Variants in TWSG1 observed in about 807,000 individuals in gnomAD.
TWSG1 encodes twisted gastrulation BMP signaling modulator 1.
A neutral mutation model predicts 23.0 loss-of-function variants in TWSG1; 15 were observed. That is an observed-to-expected ratio of 0.65 (90% CI 0.44 to 1.00). TWSG1 has a LOEUF of 1.00. Ranked by LOEUF, TWSG1 falls within the 50% of genes least tolerant of loss-of-function variation. The probability of loss-of-function intolerance (pLI) is 0.00; values close to 1 mark genes in which losing one functional copy is unlikely to be tolerated. For missense variants in TWSG1, 242 were observed against 278.7 expected, an observed-to-expected ratio of 0.87 and a Z score of 0.94; for synonymous variants, 86 against 92.8, an observed-to-expected ratio of 0.93 and a Z score of 0.42.
chr18:9,349,782 C>T (rs896464646), intron 2 of TWSG1, among the ~76,000 whole-genome samples: 12 of 152,160 alleles, frequency 7.9e-5, no homozygotes, highest in Admixed American at 6.5e-4. Context: ...TTTCTCTTTT[C>T]TCTCGTGAAC....
At chr18:9,345,782 T>C (rs990845900) in intron 2 of TWSG1, among the ~76,000 whole-genome samples, 3 of 152,206 alleles carry the variant, frequency 2.0e-5, no homozygotes, top group Non-Finnish European at 4.4e-5. Context: ...TCAATTTCTG[T>C]AATAAAGCCA....
intron 2 of TWSG1, among the ~76,000 whole-genome samples, chr18:9,340,250 C>T (rs1455606334): frequency 6.6e-5 from 10 of 151,654 alleles, no homozygotes; most frequent in African/African-American, 2.4e-4. Context: ...CGCCTGTAGT[C>T]CCAGCTACTC....
chr18:9,396,094 A>C (rs1022856920), intron 3 of TWSG1, among the ~76,000 whole-genome samples, 186 bp from the exon 4 acceptor site: 1 of 147,050 alleles, frequency 6.8e-6, no homozygotes. Context: ...CTGAGCGTTC[A>C]GTATGCTTGA....
chr18:9,338,004 A>T (rs1209833280), intron 2 of TWSG1, among the ~76,000 whole-genome samples: 1 of 152,202 alleles, frequency 6.6e-6, no homozygotes, highest in East Asian at 1.9e-4. Flanking sequence ...TGGGGAGAAA[A>T]GTAAGAGGAA....
Position 9,398,582 on chromosome 18 carries a change from C to T in TWSG1, c.491-764C>T, listed in dbSNP as rs540706041. On this transcript the variant is annotated intron_variant, in intron 4 of 4. Coordinates refer to ENST00000262120, the MANE Select transcript of TWSG1 (RefSeq NM_020648.6). ...AAGTGATTCTCCTGCCTCAGCCTCC[C>T]GAGTAGCTGGGGTTACAGGTACCCA... Among the ~76,000 whole-genome samples, 7 of 151,988 alleles carry T rather than the reference C, an allele frequency of 4.6e-5. No homozygotes were observed. The South Asian group carries it at 1.0e-3, about 23-fold the overall frequency.
At chr18:9,349,086 T>A (rs12604438) in intron 2 of TWSG1, among the ~76,000 whole-genome samples, 1 of 151,920 alleles carries the variant, frequency 6.6e-6, no homozygotes, top group Non-Finnish European at 1.5e-5. Context: ...GAAAGTAAAA[T>A]TCATCTTGGG....
At chr18:9,339,985 G>A (rs910233809) in intron 2 of TWSG1, among the ~76,000 whole-genome samples, 2 of 152,308 alleles carry the variant, frequency 1.3e-5, no homozygotes, top group South Asian at 4.1e-4. Context: ...ATATTCCGTT[G>A]TAGCTTCAGA....
intron 3 of TWSG1, among the ~76,000 whole-genome samples, chr18:9,374,214 G>A (rs2040618685): frequency 6.6e-6 from 1 of 151,866 alleles, no homozygotes. Context: ...CAATGAAATT[G>A]AAAATAAGAA....
At chr18:9,398,921 T>C (rs2040750017) in intron 4 of TWSG1, among the ~76,000 whole-genome samples, 1 of 151,746 alleles carries the variant, frequency 6.6e-6, no homozygotes, top group South Asian at 2.1e-4. Context: ...AGGCAGAGAA[T>C]CACTTGAACC....
chr18:9,356,129 C>T (rs1249502549), intron 2 of TWSG1, among the ~76,000 whole-genome samples: 4 of 152,162 alleles, frequency 2.6e-5, no homozygotes, highest in Non-Finnish European at 5.9e-5. Flanking sequence ...AAGCTTATCT[C>T]TGTCGTTTCC....
chr18:9,350,624 G>C (rs965343957), intron 2 of TWSG1, among the ~76,000 whole-genome samples: 1 of 152,114 alleles, frequency 6.6e-6, no homozygotes, highest in Non-Finnish European at 1.5e-5. Flanking sequence ...AAGAGGCACT[G>C]TTTGATATAT....
At chr18:9,390,251 C>T (rs2040706315) in intron 3 of TWSG1, among the ~76,000 whole-genome samples, 1 of 151,934 alleles carries the variant, frequency 6.6e-6, no homozygotes, top group African/African-American at 2.4e-5. Flanking sequence ...ACCTCCGCCC[C>T]TCCAGGTTCA....
At chr18:9,339,602 G>A (rs1414965298) in intron 2 of TWSG1, among the ~76,000 whole-genome samples, 1 of 152,020 alleles carries the variant, frequency 6.6e-6, no homozygotes, top group African/African-American at 2.4e-5. Context: ...TTACAGGTGT[G>A]AGTCACCGTG....
chr18:9,351,801 C>A (rs868306207), intron 2 of TWSG1, among the ~76,000 whole-genome samples: 7 of 151,888 alleles, frequency 4.6e-5, no homozygotes, highest in Non-Finnish European at 8.8e-5. Flanking sequence ...CGCATCACCA[C>A]CCCCAGCTAA....
intron 4 of TWSG1, among the ~76,000 whole-genome samples, chr18:9,398,819 G>A (rs2040749678): frequency 6.6e-6 from 1 of 151,898 alleles, no homozygotes; most frequent in South Asian, 2.1e-4. Flanking sequence ...TTTCTACTTA[G>A]TTCTGTGGAT....
At chr18:9,372,429 C>T (rs2040610239) in intron 3 of TWSG1, among the ~76,000 whole-genome samples, 1 of 149,586 alleles carries the variant, frequency 6.7e-6, no homozygotes, top group Non-Finnish European at 1.5e-5. Context: ...CTGTCTCTTT[C>T]TCTCAAAATA....
At chr18:9,390,986 C>G (rs1381646566) in intron 3 of TWSG1, among the ~76,000 whole-genome samples, 1 of 152,214 alleles carries the variant, frequency 6.6e-6, no homozygotes, top group Non-Finnish European at 1.5e-5. Context: ...TACACTCCAG[C>G]TTGGGTGATA....
At chr18:9,384,630 G>A (rs1210157135) in intron 3 of TWSG1, among the ~76,000 whole-genome samples, 2 of 151,436 alleles carry the variant, frequency 1.3e-5, no homozygotes, top group East Asian at 1.9e-4. Flanking sequence ...AAAGACAAAT[G>A]TGCTTATGTG....
At chr18:9,369,010 G>A (rs1388820457) in intron 3 of TWSG1, among the ~76,000 whole-genome samples, 5 of 151,296 alleles carry the variant, frequency 3.3e-5, no homozygotes, top group African/African-American at 1.2e-4. Context: ...TCAGGAGGCT[G>A]AGGCACGAGA....
Sources: gnomAD v4.1 joint callset for allele counts (sites outside exome capture counted in the v4.1 genomes callset) on GRCh38, gnomAD v4.1.1 for gene constraint, MANE v1.5 for transcripts, NCBI Gene and HGNC (gene_info 2026-07-23, HGNC 2026-07-21) for gene names.